The following IGF2 variants were observed in gnomAD, a reference collection of about 807,000 sequenced individuals.
IGF2 encodes insulin-like growth factor 2.
Under a neutral mutation model 12.0 loss-of-function variants are expected in IGF2, and 2 were observed. The observed-to-expected ratio is 0.17, with a 90% CI of 0.07 to 0.52. The LOEUF is 0.52. IGF2 is among the 20% of genes least tolerant of loss of function. IGF2 has a pLI of 0.95. For missense variants in IGF2, 211 were observed against 268.0 expected (o/e 0.79, Z 1.48); for synonymous variants, 105 against 110.1 (o/e 0.95, Z 0.29).
chr11:2,138,808 C>T lies in IGF2; in HGVS notation c.-586G>A. ...CCGGGGCCAGACGCCAAGAGGGGCGCGGGGAGCACAGAGAAGCGGAGGGAA... is the reference window on the plus strand; with the variant it reads ...CCGGGGCCAGACGCCAAGAGGGGCGTGGGGAGCACAGAGAAGCGGAGGGAA... On this transcript the variant is annotated 5_prime_UTR_variant, in exon 1 of 4. Transcript: ENST00000416167. The T allele has an allele frequency of 4.4e-6, 4 of 905,846 alleles. No individual in the cohort carries two copies. The highest frequency in any genetic ancestry group is 5.1e-6 in the Non-Finnish European group (4 of 781,576). 56.1% of individuals were successfully genotyped at this position (905,846 alleles called of 1,614,324 possible).
Position 2,129,641 on chromosome 11 carries a change from G to A in IGF2, c.*3346C>T, listed in dbSNP as rs916038899. On this transcript the variant is annotated 3_prime_UTR_variant, in exon 4 of 4. Transcript: ENST00000416167. The surrounding 1 kb of genome is among the most constrained non-coding windows in gnomAD (Gnocchi z 8.1). ...TTGGCTCTTTGGGCTTCTGTCCAATGTTCCGAATGGCCCACTCACAGGGCG... is the reference window on the plus strand; with the variant it reads ...TTGGCTCTTTGGGCTTCTGTCCAATATTCCGAATGGCCCACTCACAGGGCG... 1.1e-4 allele frequency: 26 copies of A among 231,398 alleles called. No homozygotes were observed. The highest frequency in any genetic ancestry group is 5.3e-4 in the African/African-American group (24 of 45,316). The allele number at this position is 231,398 out of a possible 1,614,324, so 14.3% of individuals were successfully genotyped here.
chr11:2,137,684 T>C (rs1859176533), intron 1 of IGF2, among the ~76,000 whole-genome samples: 1 of 152,074 alleles, frequency 6.6e-6, no homozygotes, highest in Non-Finnish European at 1.5e-5. Flanking sequence ...TGTTTGGAAA[T>C]GTTGCGGACA....
At chr11:2,139,576 C>CGGGG (rs565127670), upstream of IGF2, among the ~76,000 whole-genome samples, 13 of 96,536 alleles carry the variant, frequency 1.3e-4, no homozygotes, top group African/African-American at 5.4e-4. Context: ...CCTGGGGCCC[C>CGGGG]GGGGGGGGGG....
chr11:2,149,051 G>T, the IGF2 span: 4 of 1,384,014 alleles, frequency 2.9e-6, no homozygotes, highest in Non-Finnish European at 4.1e-6. Context: ...GCTGCCCCAA[G>T]CTCCCGGCCC....
chr11:2,149,415 T>A, the IGF2 span: 2 of 1,342,668 alleles, frequency 1.5e-6, no homozygotes, highest in Non-Finnish European at 2.1e-6. Context: ...GAGCCTCATC[T>A]CCGCTGAGCA....
rs912955332 is a variant in IGF2, at chr11:2,138,393, G to A, written c.-171C>T. ...GCGGGGGGATGGCTTTTTTTTGGGG[G>A]GGGGGGGAGAATTCGTCTGATTGTC... On this transcript the variant is annotated 5_prime_UTR_variant, in exon 1 of 4. Transcript: ENST00000416167. 1.1e-5 allele frequency: 6 copies of A among 539,134 alleles called. 1 individual carries two copies. The highest frequency in any genetic ancestry group is 9.5e-4 in the Middle Eastern group (1 of 1,052). The allele number at this position is 539,134 out of a possible 1,614,324, so 33.4% of individuals were successfully genotyped here. A position where few individuals can be genotyped will look rare whatever the true frequency, so the allele number is the denominator to read the frequency against.
In IGF2 at chr11:2,131,674, GC is replaced by G; in HGVS notation, c.*1312del. 4.8e-6 allele frequency: 1 copy of G among 207,654 alleles called. No individual in the cohort carries two copies. The highest frequency in any genetic ancestry group is 7.1e-5 in the East Asian group (1 of 14,022). 12.9% of individuals were successfully genotyped at this position (207,654 alleles called of 1,614,324 possible). ...TGTGCTGTGTGTGCGTGTGCTGTGT[GC>G]ATGTGTGTGCTGTGTTTGTGTGTGT... On this transcript the variant is annotated 3_prime_UTR_variant, in exon 4 of 4. Coordinates refer to ENST00000416167, the MANE Select transcript of IGF2 (RefSeq NM_000612.6).
At chr11:2,134,194 T>A (rs1219329613) in intron 2 of IGF2, 1 of 478,526 alleles carries the variant, frequency 2.1e-6, no homozygotes, top group Non-Finnish European at 4.2e-6. Flanking sequence ...CCTTCTTTCC[T>A]CCCGTCTTCC....
Position 2,138,244 on chromosome 11 carries a change from G to C in IGF2, c.-22C>G. ...CGCCGCTTACCTGGAAGCCGGCGAC[G>C]CTGCCGCCCACCTCCCTGCTGCGTG... On this transcript the variant is annotated 5_prime_UTR_variant, in exon 1 of 4. Transcript: ENST00000416167. 2.0e-6 allele frequency: 2 copies of C among 985,250 alleles called. No individual in the cohort carries two copies. Among genetic ancestry groups the C allele is most frequent in the African/African-American group, 1.7e-5 (1 of 57,316 alleles). The allele number at this position is 985,250 out of a possible 1,614,324, so 61.0% of individuals were successfully genotyped here.
upstream of IGF2, chr11:2,146,122 CT>C (rs1252455221): frequency 6.6e-6 from 3 of 453,676 alleles, no homozygotes; most frequent in Non-Finnish European, 1.3e-5. Context: ...TGAACATCCC[CT>C]CAAGGACTCA....
Position 2,133,422 on chromosome 11 carries a change from TG to T in IGF2, c.306+94del. The T allele has an allele frequency of 7.2e-7, 1 of 1,389,570 alleles. No individual in the cohort carries two copies. Among genetic ancestry groups the T allele is most frequent in the Non-Finnish European group, 9.7e-7 (1 of 1,031,518 alleles). 86.1% of individuals were successfully genotyped at this position (1,389,570 alleles called of 1,614,324 possible). ...CAAGGAAGTCACGGGTCCTTGTCCCTGGCCAAGAGGTCCCAGAGGCCACAGG... is the reference window on the plus strand; with the variant it reads ...CAAGGAAGTCACGGGTCCTTGTCCCTGCCAAGAGGTCCCAGAGGCCACAGG... On this transcript the variant is annotated intron_variant, in intron 3 of 3. Coordinates refer to ENST00000416167, the MANE Select transcript of IGF2 (RefSeq NM_000612.6). The surrounding 1 kb of genome is among the most constrained non-coding windows in gnomAD (Gnocchi z 8.9).
upstream of IGF2, among the ~76,000 whole-genome samples, chr11:2,139,578 G>GA (rs1165550807): frequency 1.4e-4 from 20 of 146,100 alleles, 2 homozygotes; most frequent in African/African-American, 4.9e-4. Context: ...TGGGGCCCCG[G>GA]GGGGGGGGCG....
chr11:2,149,323 G>A, the IGF2 span: 2 of 1,612,428 alleles, frequency 1.2e-6, no homozygotes, highest in African/African-American at 2.7e-5. Flanking sequence ...TTGACGTGGA[G>A]GAGGAGAGGG....
At position 2,133,301 on chromosome 11, in the gene IGF2, G is replaced by T; in HGVS notation, c.307-78C>A. ...CTGAGCCGCCCGCCTGACCTGACAG[G>T]CCACCCCTGTGACTGATCAGTGACT... is the stretch of plus-strand genomic sequence containing the variant. On this transcript the variant is annotated intron_variant, in intron 3 of 3. Coordinates refer to ENST00000416167, the MANE Select transcript of IGF2 (RefSeq NM_000612.6). This position sits in a 1 kb window ranked among gnomAD's most constrained non-coding sequence, Gnocchi z 8.9. 1 of 1,131,296 alleles carries T rather than the reference G, an allele frequency of 8.8e-7. No homozygotes were observed. Among genetic ancestry groups the T allele is most frequent in the Non-Finnish European group, 1.2e-6 (1 of 800,836 alleles). 70.1% of individuals were successfully genotyped at this position (1,131,296 alleles called of 1,614,324 possible). A position where few individuals can be genotyped will look rare whatever the true frequency, so the allele number is the denominator to read the frequency against.
chr11:2,135,735 G>A lies in IGF2; in HGVS notation c.-6-206C>T, dbSNP rs3213222. 2.9e-3 allele frequency among the ~76,000 whole-genome samples: 446 copies of A among 152,340 alleles called. 4 individuals are homozygous for A. The highest frequency in any genetic ancestry group is 9.6e-3 in the African/African-American group (399 of 41,572). Reference sequence around the variant, plus strand: ...CGCAGGGCCATGTGCAGAATGAAGCGTCCAGAAGCACACAGAAAAGGCCCA... The same window carrying A: ...CGCAGGGCCATGTGCAGAATGAAGCATCCAGAAGCACACAGAAAAGGCCCA... On this transcript the variant is annotated intron_variant, in intron 1 of 3. Coordinates refer to ENST00000416167, the MANE Select transcript of IGF2 (RefSeq NM_000612.6).
chr11:2,146,045 T>C (rs1859913249), upstream of IGF2, among the ~76,000 whole-genome samples: 1 of 152,086 alleles, frequency 6.6e-6, no homozygotes, highest in South Asian at 2.1e-4. Context: ...CCCCCAGCCC[T>C]GAACCAGCAC....
chr11:2,140,912 C>T (rs768982587), upstream of IGF2: 24 of 380,758 alleles, frequency 6.3e-5, no homozygotes, highest in African/African-American at 4.7e-4. Flanking sequence ...AGCGAGCGAT[C>T]GAACGCTCTG....
intron 1 of IGF2, among the ~76,000 whole-genome samples, chr11:2,136,566 C>T (rs1258416037): frequency 2.0e-5 from 3 of 152,258 alleles, no homozygotes; most frequent in Non-Finnish European, 4.4e-5. Flanking sequence ...AAGGTGGAAC[C>T]CTCCAGGCGG....
the IGF2 span, chr11:2,149,204 G>C: frequency 6.2e-7 from 1 of 1,613,396 alleles, no homozygotes; most frequent in Non-Finnish European, 8.5e-7. Flanking sequence ...GGTGCCCAAG[G>C]CTCTCTGCCG....
Sources: gnomAD v4.1 joint callset for allele counts (sites outside exome capture counted in the v4.1 genomes callset) on GRCh38, gnomAD v4.1.1 for gene constraint, Gnocchi (gnomAD v3.1) non-coding constraint, MANE v1.5 for transcripts, NCBI Gene and HGNC (gene_info 2026-07-23, HGNC 2026-07-21) for gene names.